The following STX18 variants were observed in gnomAD, a reference collection of about 807,000 sequenced individuals.
STX18 encodes the protein syntaxin-18.
STX18 carries 40 observed loss-of-function variants against 50.1 expected under a neutral mutation model. The ratio of observed to expected loss-of-function variants is 0.80; its 90% CI spans 0.62 to 1.04. The LOEUF (loss-of-function observed/expected upper bound fraction) is 1.04. STX18 is among the 50% of genes least tolerant of loss of function. STX18 has a pLI of 0.00. For missense variants in STX18, 410 were observed against 415.8 expected (o/e 0.99, Z 0.12); for synonymous variants, 158 against 151.8 (o/e 1.04, Z -0.30).
intron 1 of STX18, among the ~76,000 whole-genome samples, chr4:4,521,992 A>G (rs1167046576): frequency 6.6e-6 from 1 of 152,202 alleles, no homozygotes. Context: ...CCAGTTCCCA[A>G]GCAATTTTAA....
rs543282345 is a variant in STX18, at chr4:4,474,772, G to A, written c.169-3066C>T. Among the ~76,000 whole-genome samples, 135 of 152,246 alleles carry A rather than the reference G, an allele frequency of 8.9e-4. 3 individuals carry two copies. Among genetic ancestry groups the A allele is most frequent in the Non-Finnish European group, 1.6e-4 (11 of 68,030 alleles). On this transcript the variant is annotated intron_variant, in intron 1 of 10. Coordinates refer to ENST00000306200, the MANE Select transcript of STX18 (RefSeq NM_016930.4). Reference sequence around the variant, plus strand: ...AGCCTCTAGAAGCTGGAAAGGGCAGGGCAATGGGCCTTCCTTAGAGCCTCC... The same window carrying A: ...AGCCTCTAGAAGCTGGAAAGGGCAGAGCAATGGGCCTTCCTTAGAGCCTCC...
intron 5 of STX18, among the ~76,000 whole-genome samples, chr4:4,454,989 CACT>C (rs1228485341): frequency 1.3e-5 from 2 of 152,160 alleles, no homozygotes; most frequent in Non-Finnish European, 2.9e-5. Context: ...CTCACAACAG[CACT>C]ACAAGTTAGG....
chr4:4,510,165 G>A (rs1729932662), intron 1 of STX18, among the ~76,000 whole-genome samples: 1 of 152,194 alleles, frequency 6.6e-6, no homozygotes, highest in Admixed American at 6.5e-5. Context: ...TGTGTCAACT[G>A]TGTGCAAAGG....
intron 1 of STX18, among the ~76,000 whole-genome samples, chr4:4,523,625 C>G (rs767169244): frequency 6.6e-6 from 1 of 152,182 alleles, no homozygotes. Context: ...TCAAATATAT[C>G]GAGTCTACTC....
intron 5 of STX18, among the ~76,000 whole-genome samples, chr4:4,446,925 G>A (rs1726439781): frequency 6.6e-6 from 1 of 152,196 alleles, no homozygotes; most frequent in Non-Finnish European, 1.5e-5. Context: ...AGCCAGTGGG[G>A]TTACTTTCAT....
At chr4:4,437,592 G>T in intron 6 of STX18, 1 of 984,296 alleles carries the variant, frequency 1.0e-6, no homozygotes, top group Non-Finnish European at 1.2e-6. Flanking sequence ...TAATTTCTGT[G>T]ACATGTCCAG....
intron 1 of STX18, among the ~76,000 whole-genome samples, chr4:4,504,591 A>G (rs1729608071): frequency 6.6e-6 from 1 of 152,246 alleles, no homozygotes; most frequent in South Asian, 2.1e-4. Flanking sequence ...CTTGTTGTTC[A>G]GAATGTATAA....
rs1349045442 is a variant in STX18 at position 4,525,686 on chromosome 4, C to A, written c.168+16111G>T. On this transcript the variant is annotated intron_variant, in intron 1 of 10. Transcript: ENST00000306200. Reference sequence around the variant, plus strand: ...AGAGTCCTGCTCTCTCCTTTTCCATCCCCTGTGCCCAATATAAGCCCACAA... The same window carrying A: ...AGAGTCCTGCTCTCTCCTTTTCCATACCCTGTGCCCAATATAAGCCCACAA... 2.6e-5 allele frequency among the ~76,000 whole-genome samples: 4 copies of A among 152,268 alleles called. No homozygotes were observed. The East Asian group carries it at 7.7e-4, about 29-fold the overall frequency.
At chr4:4,496,482 G>A (rs1333984517) in intron 1 of STX18, among the ~76,000 whole-genome samples, 6 of 151,968 alleles carry the variant, frequency 3.9e-5, no homozygotes, top group East Asian at 1.9e-4. Context: ...CATCAGCCTC[G>A]CTCTTGGATT....
intron 1 of STX18, among the ~76,000 whole-genome samples, chr4:4,537,705 T>C (rs992366566): frequency 6.6e-6 from 1 of 152,214 alleles, no homozygotes; most frequent in African/African-American, 2.4e-5. Context: ...TACCTTTTCT[T>C]ATTTCACCTA....
At chr4:4,532,273 T>C (rs935096738) in intron 1 of STX18, among the ~76,000 whole-genome samples, 1 of 152,228 alleles carries the variant, frequency 6.6e-6, no homozygotes, top group Non-Finnish European at 1.5e-5. Flanking sequence ...GTACTAAATG[T>C]GAACTATTTT....
At chr4:4,507,510 G>A in intron 1 of STX18, 1 of 768,706 alleles carries the variant, frequency 1.3e-6, no homozygotes, top group Non-Finnish European at 2.4e-6. Context: ...TTCTGCCTAA[G>A]CCAATTCGAA....
intron 1 of STX18, among the ~76,000 whole-genome samples, chr4:4,493,305 C>T (rs1466833815): frequency 1.3e-5 from 2 of 151,408 alleles, no homozygotes; most frequent in African/African-American, 4.9e-5. Context: ...CTCCACTGCC[C>T]ATGGTTAATT....
chr4:4,474,266 A>G (rs1449928407), intron 1 of STX18, among the ~76,000 whole-genome samples: 1 of 152,142 alleles, frequency 6.6e-6, no homozygotes, highest in Non-Finnish European at 1.5e-5. Context: ...TCATAAACTG[A>G]TTTCCCTTCA....
chr4:4,500,481 A>T (rs1265350222), intron 1 of STX18, among the ~76,000 whole-genome samples: 1 of 152,178 alleles, frequency 6.6e-6, no homozygotes, highest in Non-Finnish European at 1.5e-5. Context: ...AATAAACAGG[A>T]GGATGTCTGT....
rs369290829 is a variant in STX18, at chr4:4,515,833, C to T, written c.168+25964G>A. On this transcript the variant is annotated intron_variant, in intron 1 of 10. Coordinates refer to ENST00000306200, the MANE Select transcript of STX18 (RefSeq NM_016930.4). ...AAATACTACTCACTGGTAAAATCCC[C>T]TCCCCAACCCCATGCAGTCTTTTCT... is the stretch of plus-strand genomic sequence containing the variant. Among the ~76,000 whole-genome samples, 59 of 152,234 alleles carry T rather than the reference C, an allele frequency of 3.9e-4. No individual in the cohort carries two copies. In the South Asian group the frequency reaches 0.011, roughly 28 times the overall value.
chr4:4,467,324 C>T (rs1727664237), intron 2 of STX18, among the ~76,000 whole-genome samples: 1 of 152,114 alleles, frequency 6.6e-6, no homozygotes, highest in Non-Finnish European at 1.5e-5. Flanking sequence ...TAACTTCCTC[C>T]CAAAGTTAGT....
At chr4:4,448,286 A>T (rs1164332140) in intron 5 of STX18, among the ~76,000 whole-genome samples, 1 of 152,200 alleles carries the variant, frequency 6.6e-6, no homozygotes, top group Non-Finnish European at 1.5e-5. Flanking sequence ...TGGAGCCAAC[A>T]AAGGGCTTAA....
At chr4:4,523,277 C>G (rs1402064358) in intron 1 of STX18, among the ~76,000 whole-genome samples, 1 of 152,208 alleles carries the variant, frequency 6.6e-6, no homozygotes, top group Non-Finnish European at 1.5e-5. Context: ...TCTCTGCTGG[C>G]TTCTCAAATG....
Sources: gnomAD v4.1 joint callset for allele counts (sites outside exome capture counted in the v4.1 genomes callset) on GRCh38, gnomAD v4.1.1 for gene constraint, MANE v1.5 for transcripts, NCBI Gene and HGNC (gene_info 2026-07-23, HGNC 2026-07-21) for gene names.